GOLPH3L: variants seen among roughly 807,000 people sequenced by gnomAD.
GOLPH3L encodes the protein golgi phosphoprotein 3 like.
In GOLPH3L, 22 loss-of-function variants were observed where a neutral mutation model predicts 30.3. The ratio of observed to expected loss-of-function variants is 0.73; its 90% CI spans 0.52 to 1.04. The LOEUF (loss-of-function observed/expected upper bound fraction) is 1.04. Ranked by LOEUF, GOLPH3L falls within the 50% of genes least tolerant of loss-of-function variation. GOLPH3L has a pLI of 0.00. For synonymous variants in GOLPH3L, 120 were observed against 128.2 expected, an observed-to-expected ratio of 0.94 and a Z score of 0.43; for missense variants, 303 against 345.8, an observed-to-expected ratio of 0.88 and a Z score of 0.98.
At chr1:150,693,797 A>ATGTGTGTGTG (rs796936730) in intron 2 of GOLPH3L, among the ~76,000 whole-genome samples, 12,520 of 60,702 alleles carry the variant, frequency 0.21, 1,849 homozygotes, top group South Asian at 0.25. Flanking sequence ...TTGTTTATGT[A>ATGTGTGTGTG]TGTGTGTGTG....
chr1:150,667,580 T>TC (rs1474818132), intron 2 of GOLPH3L, among the ~76,000 whole-genome samples: 1 of 148,014 alleles, frequency 6.8e-6, no homozygotes, highest in Non-Finnish European at 1.5e-5. Context: ...ACTAGTCTTT[T>TC]CTTTTTTTTT....
chr1:150,683,465 G>A (rs1651008435), intron 2 of GOLPH3L, among the ~76,000 whole-genome samples: 1 of 149,584 alleles, frequency 6.7e-6, no homozygotes, highest in South Asian at 2.1e-4. Context: ...GAACCCGGGA[G>A]GCGGAGCTTG....
rs587677926 is a variant in GOLPH3L, at chr1:150,664,230, C to T, written c.184-467G>A. Among the ~76,000 whole-genome samples the T allele has an allele frequency of 1.1e-4, 16 of 152,192 alleles. No individual in the cohort carries two copies. The South Asian group carries it at 3.3e-3, about 32-fold the overall frequency. Reference sequence around the variant, plus strand: ...TGTTGCCTACGCTGGTCTCGAACTCCTGGCCTCAAGCTATCCTCCCACCTT... The same window carrying T: ...TGTTGCCTACGCTGGTCTCGAACTCTTGGCCTCAAGCTATCCTCCCACCTT... On this transcript the variant is annotated intron_variant, in intron 2 of 4. Transcript: ENST00000271732.
chr1:150,666,380 T>C (rs1351064058), intron 2 of GOLPH3L, among the ~76,000 whole-genome samples: 1 of 152,166 alleles, frequency 6.6e-6, no homozygotes, highest in Non-Finnish European at 1.5e-5. Context: ...GAGTCTCACC[T>C]GTCACCCAGG....
intron 4 of GOLPH3L, among the ~76,000 whole-genome samples, chr1:150,651,689 C>T (rs1049661941): frequency 2.2e-5 from 3 of 135,296 alleles, no homozygotes; most frequent in Middle Eastern, 4.1e-3. Context: ...ATGAAAAAAT[C>T]ACTCAAGGGA....
intron 2 of GOLPH3L, among the ~76,000 whole-genome samples, chr1:150,676,733 TC>T (rs1324735395): frequency 6.9e-6 from 1 of 145,098 alleles, no homozygotes; most frequent in East Asian, 2.0e-4. Context: ...AACCTCCGCC[TC>T]CCGGGTTCAA....
Position 150,661,877 on chromosome 1 carries a change from G to C in GOLPH3L, c.367C>G (p.Leu123Val). 2.5e-6 allele frequency: 4 copies of C among 1,603,454 alleles called. No homozygotes were observed. Among genetic ancestry groups the C allele is most frequent in the Non-Finnish European group, 3.4e-6 (4 of 1,170,254 alleles). ...GGTTCAGTTGCTTTGATGTGTTTCA[G>C]AGTTTCATCCAGTAAAACATCACCT... ...PTGDVLLDET[L>V]KHIKATEPTE... The change falls in exon 4 of 5, where the codon CTG (leucine) becomes GTG (valine). Residue 123 changes from leucine (L) to valine (V), a missense_variant. Coordinates refer to ENST00000271732, the MANE Select transcript of GOLPH3L (RefSeq NM_018178.6).
chr1:150,696,789 G>A (rs1651366759), intron 1 of GOLPH3L, among the ~76,000 whole-genome samples: 2 of 150,226 alleles, frequency 1.3e-5, no homozygotes, highest in East Asian at 3.9e-4. Flanking sequence ...TCGCGGGGCA[G>A]GGGGGGAGGG....
intron 2 of GOLPH3L, among the ~76,000 whole-genome samples, chr1:150,666,685 C>A (rs1329401324): frequency 6.6e-6 from 1 of 152,140 alleles, no homozygotes; most frequent in Non-Finnish European, 1.5e-5. Context: ...CTAATTCAAA[C>A]TAACCCTGAG....
chr1:150,673,926 C>CAAAAAAAA (rs71086590), intron 2 of GOLPH3L, among the ~76,000 whole-genome samples: 2 of 98,666 alleles, frequency 2.0e-5, no homozygotes, highest in Non-Finnish European at 3.8e-5. Context: ...CTCCCATCTC[C>CAAAAAAAA]AAAAAAAAAA....
chr1:150,695,268 T>C (rs1226616105), intron 1 of GOLPH3L, among the ~76,000 whole-genome samples: 3 of 152,022 alleles, frequency 2.0e-5, no homozygotes, highest in South Asian at 2.1e-4. Flanking sequence ...TCCTGAGTAG[T>C]TGGGATTACA....
intron 2 of GOLPH3L, among the ~76,000 whole-genome samples, chr1:150,673,774 C>CAA (rs151107787): frequency 6.9e-6 from 1 of 145,372 alleles, no homozygotes; most frequent in African/African-American, 2.5e-5. Flanking sequence ...ACCAAAAGTA[C>CAA]AAAAAAAAAA....
At chr1:150,653,286 CT>C (rs200592271) in intron 4 of GOLPH3L, among the ~76,000 whole-genome samples, 32 of 137,254 alleles carry the variant, frequency 2.3e-4, no homozygotes, top group African/African-American at 8.3e-4. Context: ...TGGTATAAAT[CT>C]TTTTTTTTTT....
At chr1:150,651,512 G>A (rs945275942) in intron 4 of GOLPH3L, among the ~76,000 whole-genome samples, 1 of 151,644 alleles carries the variant, frequency 6.6e-6, no homozygotes, top group African/African-American at 2.4e-5. Context: ...AGCCGGGTAT[G>A]GTGGTGTGTG....
At chr1:150,656,324 C>T (rs1280158518) in intron 4 of GOLPH3L, among the ~76,000 whole-genome samples, 1 of 152,114 alleles carries the variant, frequency 6.6e-6, no homozygotes, top group Non-Finnish European at 1.5e-5. Context: ...CAATTGAAAA[C>T]ATTAAATGAC....
At position 150,646,445 on chromosome 1, in the gene GOLPH3L, C is replaced by T. The variant is rs1557777558; in HGVS notation, c.*1876G>A. The T allele has an allele frequency of 6.6e-6, 1 of 152,190 alleles. No individual in the cohort carries two copies. Among genetic ancestry groups the T allele is most frequent in the Non-Finnish European group, 1.5e-5 (1 of 68,036 alleles). 9.4% of individuals were successfully genotyped at this position (152,190 alleles called of 1,614,324 possible). A position where few individuals can be genotyped will look rare whatever the true frequency, so the allele number is the denominator to read the frequency against. ...TCCACAGGAAAACCTGGTTTCAATT[C>T]ATGCCGAATTGTTCAAAGAAAAGAA... On this transcript the variant is annotated 3_prime_UTR_variant, in exon 5 of 5. Coordinates refer to ENST00000271732, the MANE Select transcript of GOLPH3L (RefSeq NM_018178.6).
intron 4 of GOLPH3L, among the ~76,000 whole-genome samples, chr1:150,651,334 C>A (rs919541264): frequency 3.3e-5 from 5 of 151,478 alleles, no homozygotes; most frequent in Non-Finnish European, 7.4e-5. Context: ...AACAAAAAAA[C>A]CATTTAGAAA....
chr1:150,671,068 AG>A (rs1249620636), intron 2 of GOLPH3L, among the ~76,000 whole-genome samples: 1 of 151,364 alleles, frequency 6.6e-6, no homozygotes, highest in Non-Finnish European at 1.5e-5. Flanking sequence ...GGTGAAACCC[AG>A]TCTCCACTAA....
At chr1:150,662,338 C>T (rs1650385382) in intron 3 of GOLPH3L, among the ~76,000 whole-genome samples, 1 of 151,586 alleles carries the variant, frequency 6.6e-6, no homozygotes, top group Non-Finnish European at 1.5e-5. Flanking sequence ...ATGGCAAAAT[C>T]TTTTCTCTAT....
Sources: allele counts gnomAD v4.1 joint callset (sites outside exome capture counted in the v4.1 genomes callset), GRCh38; gene constraint gnomAD v4.1.1; transcripts MANE v1.5; gene names NCBI Gene and HGNC (gene_info 2026-07-23, HGNC 2026-07-21).